The following LRFN2 variants were observed in gnomAD, a reference collection of about 807,000 sequenced individuals.
LRFN2 encodes the protein leucine-rich repeat and fibronectin type-III domain-containing protein 2.
In LRFN2, 18 loss-of-function variants were observed where a neutral mutation model predicts 37.3. That is an observed-to-expected ratio of 0.48 (90% CI 0.33 to 0.72). The LOEUF is 0.72. Ranked by LOEUF, LRFN2 falls within the 30% of genes least tolerant of loss-of-function variation. The pLI is 0.02. For synonymous variants in LRFN2, 556 were observed against 466.6 expected, an observed-to-expected ratio of 1.19 and a Z score of -2.47; for missense variants, 1,006 against 1,060.7, an observed-to-expected ratio of 0.95 and a Z score of 0.72.
At position 40,392,094 on chromosome 6, in the gene LRFN2, C is replaced by T. The variant is rs1762515823; in HGVS notation, c.2219G>A (p.Gly740Asp). The T allele has an allele frequency of 6.2e-7, 1 of 1,613,810 alleles. No homozygotes were observed. The change falls in exon 3 of 3, where the codon GGC becomes GAC. Residue 740 changes from glycine (G) to aspartate (D), a missense_variant. Physicochemically the swap from Gly to Asp is moderately conservative, Grantham distance 94. Coordinates refer to ENST00000338305, the MANE Select transcript of LRFN2 (RefSeq NM_020737.3). This position sits in a 1 kb window ranked among gnomAD's most constrained non-coding sequence, Gnocchi z 4.7. ...GACCTTCCGAGGAGGACTGTAGCCG[C>T]CCGGCACGACCCCTCCCGCCGCCGC... ...AAAAAGGVVP[G>D]GYSPPRKVSN...
At chr6:40,409,832 C>G (rs752778421) in intron 2 of LRFN2, among the ~76,000 whole-genome samples, 11 of 152,186 alleles carry the variant, frequency 7.2e-5, no homozygotes, top group Non-Finnish European at 1.2e-4. Flanking sequence ...TGCCTGGAGG[C>G]AGACCCCCTG....
chr6:40,551,209 T>C (rs1766773018), intron 1 of LRFN2, among the ~76,000 whole-genome samples: 2 of 152,010 alleles, frequency 1.3e-5, no homozygotes, highest in African/African-American at 4.8e-5. Flanking sequence ...GGGGCAGGGA[T>C]TTACAGAAGG....
At chr6:40,502,085 C>T (rs1425989630) in intron 1 of LRFN2, among the ~76,000 whole-genome samples, 1 of 152,252 alleles carries the variant, frequency 6.6e-6, no homozygotes, top group East Asian at 1.9e-4. Flanking sequence ...ACTACCTTTC[C>T]ACTTCTGTAG....
At chr6:40,455,051 T>G (rs1318802340) in intron 1 of LRFN2, among the ~76,000 whole-genome samples, 1 of 152,236 alleles carries the variant, frequency 6.6e-6, no homozygotes, top group Non-Finnish European at 1.5e-5. Flanking sequence ...ACTTTTGCAC[T>G]GTTCCCATTT....
chr6:40,489,302 C>T (rs1765034066), intron 1 of LRFN2, among the ~76,000 whole-genome samples: 1 of 152,252 alleles, frequency 6.6e-6, no homozygotes, highest in South Asian at 2.1e-4. Context: ...ACAATCATCA[C>T]ACTTCAGAGC....
chr6:40,469,454 A>G (rs1290443028), intron 1 of LRFN2, among the ~76,000 whole-genome samples: 1 of 152,188 alleles, frequency 6.6e-6, no homozygotes, highest in Non-Finnish European at 1.5e-5. Context: ...TAGTCCACTG[A>G]GAAAGGCCAC....
At position 40,447,412 on chromosome 6, in the gene LRFN2, C is replaced by A. The variant is rs191681893; in HGVS notation, c.-18-14281G>T. 1.2e-4 allele frequency among the ~76,000 whole-genome samples: 19 copies of A among 152,302 alleles called. No individual in the cohort carries two copies. In the East Asian group the frequency reaches 3.1e-3, roughly 25 times the overall value. ...TCTCTTCTTTCCCCAAATTTGCCTA[C>A]CTTTAACATCACTAGAGGCAGAGCT... On this transcript the variant is annotated intron_variant, in intron 1 of 2. Coordinates refer to ENST00000338305, the MANE Select transcript of LRFN2 (RefSeq NM_020737.3).
At chr6:40,544,900 T>C (rs188086353) in intron 1 of LRFN2, among the ~76,000 whole-genome samples, 31 of 152,282 alleles carry the variant, frequency 2.0e-4, no homozygotes, top group African/African-American at 6.5e-4. Flanking sequence ...AGAGAGCAAA[T>C]GCGCAGCTGT....
At chr6:40,560,761 A>G (rs10947895) in intron 1 of LRFN2, among the ~76,000 whole-genome samples, 72,153 of 152,140 alleles carry the variant, frequency 0.47, 18,145 homozygotes, top group African/African-American at 0.64. Context: ...TAAGGACATC[A>G]TGTCATAGTA....
At chr6:40,543,808 A>T (rs1250125090) in intron 1 of LRFN2, among the ~76,000 whole-genome samples, 1 of 152,160 alleles carries the variant, frequency 6.6e-6, no homozygotes, top group Non-Finnish European at 1.5e-5. Flanking sequence ...GCCTCCTCTC[A>T]ATCTTCCCAT....
At chr6:40,463,324 G>C (rs1764386188) in intron 1 of LRFN2, among the ~76,000 whole-genome samples, 1 of 152,146 alleles carries the variant, frequency 6.6e-6, no homozygotes, top group Non-Finnish European at 1.5e-5. Flanking sequence ...ATGCTAATTT[G>C]GAGGCTCTTT....
At chr6:40,583,269 T>C (rs1767439979) in intron 1 of LRFN2, among the ~76,000 whole-genome samples, 1 of 76,836 alleles carries the variant, frequency 1.3e-5, no homozygotes, top group Non-Finnish European at 2.7e-5. Context: ...TTAAAATGTA[T>C]GGGAGGGTGT....
At chr6:40,535,513 T>C (rs1766431954) in intron 1 of LRFN2, among the ~76,000 whole-genome samples, 1 of 152,030 alleles carries the variant, frequency 6.6e-6, no homozygotes. Context: ...TCAGGAGACA[T>C]CCCCACTGCA....
At position 40,392,429 on chromosome 6, in the gene LRFN2, G is replaced by C. The variant is rs1762527977; in HGVS notation, c.1884C>G (p.Gly628=). 2 of 1,567,232 alleles carry C rather than the reference G, an allele frequency of 1.3e-6. No homozygotes were observed. The highest frequency in any genetic ancestry group is 1.7e-6 in the Non-Finnish European group (2 of 1,156,068). Reference sequence around the variant, plus strand: ...GTCCCAGCCCCGCAGCCTCCCCACTGCCCAGGGAGCTGGAGGAAGAGGAGT... The same window carrying C: ...GTCCCAGCCCCGCAGCCTCCCCACTCCCCAGGGAGCTGGAGGAAGAGGAGT... ...ASDSSSSSSL[G]SGEAAGLGRA... is the part of the protein sequence containing the mutation. The change falls in exon 3 of 3, where the codon GGC becomes GGG. Residue 628 remains glycine, a synonymous_variant. Transcript: ENST00000338305. This position sits in a 1 kb window ranked among gnomAD's most constrained non-coding sequence, Gnocchi z 4.7.
In LRFN2 at chr6:40,551,032, G is replaced by A. The variant is rs557688791; in HGVS notation, c.-19+35909C>T. 1.2e-4 allele frequency among the ~76,000 whole-genome samples: 19 copies of A among 152,264 alleles called. No homozygotes were observed. In the South Asian group the frequency reaches 2.7e-3, roughly 22 times the overall value. ...ATGCGTCATAAAATCTCCAGATGTC[G>A]GTGTAGGGCCTCCTGTGAGTCTGGG... On this transcript the variant is annotated intron_variant, in intron 1 of 2. Coordinates refer to ENST00000338305, the MANE Select transcript of LRFN2 (RefSeq NM_020737.3).
intron 1 of LRFN2, among the ~76,000 whole-genome samples, chr6:40,543,279 C>A (rs1448470404): frequency 6.6e-6 from 1 of 152,220 alleles, no homozygotes; most frequent in Non-Finnish European, 1.5e-5. Context: ...CTTACACAAG[C>A]CACATAAAAC....
intron 1 of LRFN2, among the ~76,000 whole-genome samples, chr6:40,562,638 G>A (rs928332319): frequency 3.9e-5 from 6 of 152,080 alleles, no homozygotes; most frequent in East Asian, 1.9e-4. Flanking sequence ...ACCCTTAGCC[G>A]CCAGAGAAGC....
chr6:40,577,192 C>T (rs1376227217), intron 1 of LRFN2, among the ~76,000 whole-genome samples: 1 of 151,684 alleles, frequency 6.6e-6, no homozygotes, highest in African/African-American at 2.4e-5. Context: ...ACTTCCACCT[C>T]CTGGGTTCAA....
At chr6:40,538,473 G>A (rs1766492917) in intron 1 of LRFN2, among the ~76,000 whole-genome samples, 2 of 152,234 alleles carry the variant, frequency 1.3e-5, no homozygotes, top group South Asian at 4.1e-4. Flanking sequence ...TACACTGAGA[G>A]ACTGGCTGGC....
Sources: gnomAD v4.1 joint callset for allele counts (sites outside exome capture counted in the v4.1 genomes callset) on GRCh38, gnomAD v4.1.1 for gene constraint, Gnocchi (gnomAD v3.1) non-coding constraint, MANE v1.5 for transcripts, NCBI Gene and HGNC (gene_info 2026-07-23, HGNC 2026-07-21) for gene names.